Variants in CTNNA2 observed in about 807,000 individuals in gnomAD.
CTNNA2 encodes the protein catenin alpha 2.
A neutral mutation model predicts 101.0 loss-of-function variants in CTNNA2; 42 were observed. That is an observed-to-expected ratio of 0.42 (90% CI 0.32 to 0.54). CTNNA2 has a LOEUF of 0.54. Ranked by LOEUF, CTNNA2 falls within the 20% of genes least tolerant of loss-of-function variation. The pLI is 0.14. For synonymous variants in CTNNA2, 450 were observed against 456.4 expected, an observed-to-expected ratio of 0.99 and a Z score of 0.18; for missense variants, 871 against 1,223.1, an observed-to-expected ratio of 0.71 and a Z score of 4.29.
chr2:79,506,748 T>G (rs535139963), intron 5 of CTNNA2, among the ~76,000 whole-genome samples: 118 of 152,352 alleles, frequency 7.7e-4, no homozygotes, highest in Non-Finnish European at 1.4e-3. Flanking sequence ...TACCTCTGTA[T>G]TCTGGATATC....
At chr2:80,185,093 T>C (rs1573330795) in intron 7 of CTNNA2, among the ~76,000 whole-genome samples, 1 of 152,190 alleles carries the variant, frequency 6.6e-6, no homozygotes, top group Non-Finnish European at 1.5e-5. Context: ...GCATCTCTCA[T>C]GTAAGGTGTC....
chr2:80,424,757 C>T (rs1306911359), intron 9 of CTNNA2, among the ~76,000 whole-genome samples: 1 of 152,182 alleles, frequency 6.6e-6, no homozygotes, highest in Non-Finnish European at 1.5e-5. Flanking sequence ...TGTTTTTTAA[C>T]ACCACGAGAC....
intron 1 of CTNNA2, among the ~76,000 whole-genome samples, chr2:79,556,217 T>G (rs1674435522): frequency 6.6e-6 from 1 of 152,080 alleles, no homozygotes; most frequent in South Asian, 2.1e-4. Flanking sequence ...ACCCTCTTTA[T>G]TCTCTCATTC....
chr2:79,267,402 G>T (rs1054843453), intron 2 of CTNNA2, among the ~76,000 whole-genome samples: 1 of 152,096 alleles, frequency 6.6e-6, no homozygotes, highest in Non-Finnish European at 1.5e-5. Context: ...AGGCAGCAGG[G>T]CATGACAGCT....
At chr2:79,680,448 G>T (rs1558831984) in intron 2 of CTNNA2, among the ~76,000 whole-genome samples, 1 of 152,050 alleles carries the variant, frequency 6.6e-6, no homozygotes, top group Non-Finnish European at 1.5e-5. Context: ...ATTGAAAAGA[G>T]TTCACAGAGG....
chr2:79,557,955 T>C (rs978408648), intron 1 of CTNNA2, among the ~76,000 whole-genome samples: 1 of 151,946 alleles, frequency 6.6e-6, no homozygotes, highest in African/African-American at 2.4e-5. Flanking sequence ...TGTTGTTTTG[T>C]TTTTAAATAT....
At chr2:79,982,893 A>T (rs1041421277) in intron 7 of CTNNA2, among the ~76,000 whole-genome samples, 2 of 152,156 alleles carry the variant, frequency 1.3e-5, no homozygotes, top group African/African-American at 4.8e-5. Flanking sequence ...GGATTAAAGG[A>T]ATAACTCTCT....
At chr2:80,415,722 T>G (rs1390306228) in intron 8 of CTNNA2, among the ~76,000 whole-genome samples, 5 of 152,152 alleles carry the variant, frequency 3.3e-5, no homozygotes, top group African/African-American at 1.2e-4. Flanking sequence ...CAGAGATATC[T>G]GCACCCCTAT....
chr2:79,547,904 C>A (rs756145207), intron 1 of CTNNA2: 1 of 152,352 alleles, frequency 6.6e-6, no homozygotes, highest in African/African-American at 2.4e-5. Flanking sequence ...TATTTACCTA[C>A]TTATGATTTC....
At chr2:79,593,686 C>G (rs1022188432) in intron 1 of CTNNA2, among the ~76,000 whole-genome samples, 3 of 152,020 alleles carry the variant, frequency 2.0e-5, no homozygotes, top group Non-Finnish European at 2.9e-5. Flanking sequence ...TTTCTTGTGT[C>G]TGTCACTCCC....
chr2:79,559,712 T>C (rs1306155887), intron 1 of CTNNA2, among the ~76,000 whole-genome samples: 2 of 151,840 alleles, frequency 1.3e-5, no homozygotes, highest in Admixed American at 1.3e-4. Flanking sequence ...AGTAGTTCTA[T>C]CTAGCAGAGA....
chr2:79,426,049 A>G (rs1186777546), intron 4 of CTNNA2, among the ~76,000 whole-genome samples: 1 of 152,176 alleles, frequency 6.6e-6, no homozygotes, highest in Non-Finnish European at 1.5e-5. Context: ...ACTACATAGT[A>G]AAACTAAAAC....
At chr2:79,900,794 G>A (rs1685020146) in intron 6 of CTNNA2, among the ~76,000 whole-genome samples, 1 of 152,052 alleles carries the variant, frequency 6.6e-6, no homozygotes, top group South Asian at 2.1e-4. Flanking sequence ...ATAACTAAAA[G>A]AGTATAATGG....
chr2:80,590,859 A>G (rs1439263317), intron 15 of CTNNA2, among the ~76,000 whole-genome samples: 1 of 152,196 alleles, frequency 6.6e-6, no homozygotes, highest in African/African-American at 2.4e-5. Context: ...AACAGCAGGA[A>G]AAAAGTCTGA....
intron 9 of CTNNA2, among the ~76,000 whole-genome samples, chr2:80,446,488 A>G (rs531192659): frequency 6.6e-6 from 1 of 152,218 alleles, no homozygotes; most frequent in African/African-American, 2.4e-5. Flanking sequence ...TGAATATCCC[A>G]CATAGAGGTG....
intron 9 of CTNNA2, among the ~76,000 whole-genome samples, chr2:80,451,711 ATATTT>A (rs1391167704): frequency 2.6e-4 from 40 of 152,228 alleles, no homozygotes; most frequent in African/African-American, 8.9e-4. Flanking sequence ...TTTGAGTAAA[ATATTT>A]TATTTAATTT....
At position 80,339,575 on chromosome 2, in the gene CTNNA2, G is replaced by T. The variant is rs531089381; in HGVS notation, c.1057-53636G>T. Among the ~76,000 whole-genome samples, 26 of 152,274 alleles carry T rather than the reference G, an allele frequency of 1.7e-4. No homozygotes were observed. The East Asian group carries it at 4.6e-3, about 27-fold the overall frequency. On this transcript the variant is annotated intron_variant, in intron 7 of 18. Coordinates refer to ENST00000402739, the MANE Select transcript of CTNNA2 (RefSeq NM_001282597.3). Reference sequence around the variant, plus strand: ...CTCTTCCAGTGTGGATTTAGAAATTGTAGGTACCTCAAGAATATATGTTGC... The same window carrying T: ...CTCTTCCAGTGTGGATTTAGAAATTTTAGGTACCTCAAGAATATATGTTGC...
intron 7 of CTNNA2, among the ~76,000 whole-genome samples, chr2:80,229,636 C>T (rs7559038): frequency 0.14 from 21,568 of 152,034 alleles, 3,759 homozygotes; most frequent in African/African-American, 0.42. Flanking sequence ...TTATGGAGGT[C>T]TCATTACATA....
chr2:80,389,478 C>T (rs1031649322), intron 7 of CTNNA2, among the ~76,000 whole-genome samples: 3 of 152,024 alleles, frequency 2.0e-5, no homozygotes, highest in African/African-American at 4.8e-5. Flanking sequence ...TCTCCCTCTC[C>T]GTCTGTGTCT....
Sources: allele counts gnomAD v4.1 joint callset (sites outside exome capture counted in the v4.1 genomes callset), GRCh38; gene constraint gnomAD v4.1.1; transcripts MANE v1.5; gene names NCBI Gene and HGNC (gene_info 2026-07-23, HGNC 2026-07-21).